Variants in ABCA8 observed in about 807,000 individuals in gnomAD.
The protein encoded by ABCA8 is ATP binding cassette subfamily A member 8.
Under a neutral mutation model 192.3 loss-of-function variants are expected in ABCA8, and 177 were observed. The ratio of observed to expected loss-of-function variants is 0.92; its 90% CI spans 0.81 to 1.04. The LOEUF is 1.04. Among genes scored for constraint, ABCA8 ranks in the 50% least tolerant of loss-of-function variants. The pLI is 0.00. For synonymous variants in ABCA8, 642 were observed against 690.2 expected, an observed-to-expected ratio of 0.93 and a Z score of 1.09; for missense variants, 1,915 against 1,904.8, an observed-to-expected ratio of 1.01 and a Z score of -0.10.
rs375399277 is a variant in ABCA8, at chr17:68,919,343, A to G, written c.1746T>C (p.Phe582=). ...GTGGCAGAATCCCTTTTATTTTAGC[A>G]AAGAGTCTGAGGTTTTCTCTTACAG... is the stretch of plus-strand genomic sequence containing the variant. The part of the protein sequence containing the change: ...FLTVRENLRL[F]AKIKGILPQE... The change falls in exon 14 of 40, where the codon TTT becomes TTC. Residue 582 remains phenylalanine (F), a synonymous_variant. Coordinates refer to ENST00000586539, the MANE Select transcript of ABCA8 (RefSeq NM_001288985.2). The G allele has an allele frequency of 1.2e-5, 20 of 1,613,118 alleles. No homozygotes were observed. In the East Asian group the frequency reaches 4.0e-4, roughly 32 times the overall value.
Position 68,888,009 on chromosome 17 carries a change from G to GAT in ABCA8, c.3145-505_3145-504dup, listed in dbSNP as rs769886417. Reference sequence around the variant, plus strand: ...ATATACACACACACACATATATATGGATATATATATGGAGTGTGTATATAT... The same window carrying GAT: ...ATATACACACACACACATATATATGGATATATATATATGGAGTGTGTATATAT... On this transcript the variant is annotated intron_variant, in intron 24 of 39. Transcript: ENST00000586539. Among the ~76,000 whole-genome samples the GAT allele has an allele frequency of 4.9e-5, 6 of 123,600 alleles. No individual in the cohort carries two copies. In the East Asian group the frequency reaches 1.1e-3, roughly 23 times the overall value. 81.1% of individuals were successfully genotyped at this position (123,600 alleles called of 152,430 possible). A position where few individuals can be genotyped will look rare whatever the true frequency, so the allele number is the denominator to read the frequency against.
chr17:68,942,687 A>T (rs2068266069), intron 2 of ABCA8, among the ~76,000 whole-genome samples: 3 of 152,068 alleles, frequency 2.0e-5, no homozygotes, highest in Non-Finnish European at 4.4e-5. Context: ...CTTCTTTGCC[A>T]TTCGGTGGGT....
At chr17:68,898,961 A>G (rs922274325) in intron 21 of ABCA8, among the ~76,000 whole-genome samples, 6 of 152,136 alleles carry the variant, frequency 3.9e-5, no homozygotes, top group Admixed American at 3.9e-4. Context: ...AGCTGAGAGA[A>G]GAAAGGAGAG....
At position 68,888,160 on chromosome 17, in the gene ABCA8, C is replaced by G. The variant is rs979781701; in HGVS notation, c.3145-654G>C. Among the ~76,000 whole-genome samples, 3 of 150,630 alleles carry G rather than the reference C, an allele frequency of 2.0e-5. 1 individual carries two copies. The highest frequency in any genetic ancestry group is 2.0e-4 in the Admixed American group (3 of 15,112). On this transcript the variant is annotated intron_variant, in intron 24 of 39. Coordinates refer to ENST00000586539, the MANE Select transcript of ABCA8 (RefSeq NM_001288985.2). ...AATAAAAGAAATTGTGTTGTTCTGC[C>G]ATAGTCCACATTCAAGTATTTATCA...
At chr17:68,921,590 A>G (rs1223567286) in intron 12 of ABCA8, 98 bp from the exon 13 acceptor site, 1 of 632,158 alleles carries the variant, frequency 1.6e-6, no homozygotes, top group Non-Finnish European at 2.6e-6. Flanking sequence ...ATGAATTGTT[A>G]TTAATTCTCT....
At chr17:68,894,015 G>T in intron 23 of ABCA8, 158 bp downstream of exon 23, 1 of 754,184 alleles carries the variant, frequency 1.3e-6, no homozygotes. Context: ...CTCTGAAAAC[G>T]TATTGATTTT....
At chr17:68,916,204 T>C (rs2067357177) in intron 17 of ABCA8, among the ~76,000 whole-genome samples, 2 of 152,078 alleles carry the variant, frequency 1.3e-5, no homozygotes, top group Admixed American at 1.3e-4. Context: ...TAGTATTTGA[T>C]AGCACATTCT....
rs755351312 is a variant in ABCA8, at chr17:68,877,555, C to T, written c.4163G>A (p.Gly1388Glu). ...QHLEVYAAVK[G>E]LRKGDAEVAI... ...AACCTCAGCATCCCCTTTCCTCAGC[C>T]CTTTCACGGCGGCGTACACCTCCAG... is the stretch of plus-strand genomic sequence containing the variant. The change falls in exon 33 of 40, where the codon GGG (glycine) becomes GAG (glutamate). Residue 1388 changes from glycine to glutamate, a missense_variant. Physicochemically the swap from Gly to Glu is moderately conservative, Grantham distance 98 (BLOSUM62 -2). Coordinates refer to ENST00000586539, the MANE Select transcript of ABCA8 (RefSeq NM_001288985.2). The T allele has an allele frequency of 1.2e-6, 2 of 1,613,936 alleles. No homozygotes were observed. Among genetic ancestry groups the T allele is most frequent in the Non-Finnish European group, 1.7e-6 (2 of 1,179,916 alleles).
chr17:68,894,427 C>T, intron 22 of ABCA8, 117 bp from the exon 23 acceptor site: 2 of 933,798 alleles, frequency 2.1e-6, no homozygotes, highest in South Asian at 1.8e-5. Flanking sequence ...GTTAAATAAT[C>T]ACAATAAAAA....
At position 68,893,713 on chromosome 17, in the gene ABCA8, C is replaced by CTCTTT. The variant is rs2066671356; in HGVS notation, c.3036+459_3036+460insAAAGA. 2.5e-5 allele frequency among the ~76,000 whole-genome samples: 3 copies of CTCTTT among 120,152 alleles called. No homozygotes were observed. The South Asian group carries it at 9.0e-4, about 36-fold the overall frequency. The allele number at this position is 120,152 out of a possible 152,430, so 78.8% of individuals were successfully genotyped here. A position where few individuals can be genotyped will look rare whatever the true frequency, so the allele number is the denominator to read the frequency against. On this transcript the variant is annotated intron_variant, in intron 23 of 39. Coordinates refer to ENST00000586539, the MANE Select transcript of ABCA8 (RefSeq NM_001288985.2). ...CTGTAAGATTTCATTTTTATTGCTT[C>CTCTTT]ATATTCTCTTTTTTTTTTTTTCCTT...
At chr17:68,894,801 CT>C (rs1394091784) in intron 22 of ABCA8, 78 bp downstream of exon 22, 1 of 1,441,036 alleles carries the variant, frequency 6.9e-7, no homozygotes, top group African/African-American at 1.4e-5. Context: ...ATTTTTATTT[CT>C]TAAGTTGGAA....
intron 37 of ABCA8, 151 bp downstream of exon 37, chr17:68,875,109 C>T (rs935360624): frequency 3.2e-5 from 35 of 1,090,676 alleles, no homozygotes; most frequent in East Asian, 1.5e-4. Context: ...TCAGCTCTTA[C>T]GTCTGCTTTC....
At chr17:68,899,867 A>C (rs1426944952) in intron 21 of ABCA8, among the ~76,000 whole-genome samples, 12 of 152,188 alleles carry the variant, frequency 7.9e-5, no homozygotes. Flanking sequence ...TCAGAAAAGA[A>C]ATCACAAGGG....
At chr17:68,912,458 C>T (rs942478824) in intron 17 of ABCA8, among the ~76,000 whole-genome samples, 1 of 151,644 alleles carries the variant, frequency 6.6e-6, no homozygotes, top group Admixed American at 6.6e-5. Context: ...TAAAAAAGAG[C>T]CTCCAAAGGA....
intron 11 of ABCA8, 40 bp from the exon 12 acceptor site, chr17:68,922,340 T>C: frequency 7.7e-7 from 1 of 1,296,894 alleles, no homozygotes; most frequent in Non-Finnish European, 1.0e-6. Flanking sequence ...ACAATTTTCT[T>C]CAGTTTGTAA....
At chr17:68,916,400 C>T (rs928338598) in intron 17 of ABCA8, among the ~76,000 whole-genome samples, 1 of 151,864 alleles carries the variant, frequency 6.6e-6, no homozygotes, top group African/African-American at 2.4e-5. Flanking sequence ...GTTTGTAACA[C>T]AAAGAAATGA....
At chr17:68,874,834 GAAATA>G (rs2066157602) in intron 37 of ABCA8, among the ~76,000 whole-genome samples, 1 of 152,144 alleles carries the variant, frequency 6.6e-6, no homozygotes, top group African/African-American at 2.4e-5. Flanking sequence ...TAATTGATTT[GAAATA>G]AAATAATTAG....
At chr17:68,935,540 C>CTATCTATATATA (rs747035477) in intron 5 of ABCA8, among the ~76,000 whole-genome samples, 12 of 87,288 alleles carry the variant, frequency 1.4e-4, no homozygotes, top group African/African-American at 3.8e-4. Context: ...AGTAGTATTC[C>CTATCTATATATA]TATATATATA....
intron 29 of ABCA8, among the ~76,000 whole-genome samples, chr17:68,883,052 T>C (rs187054988): frequency 2.0e-5 from 3 of 151,952 alleles, no homozygotes; most frequent in Admixed American, 2.0e-4. Context: ...TAATCAGGAG[T>C]TTCTAGCAAA....
Sources: gnomAD v4.1 joint callset for allele counts (sites outside exome capture counted in the v4.1 genomes callset) on GRCh38, gnomAD v4.1.1 for gene constraint, MANE v1.5 for transcripts, NCBI Gene and HGNC (gene_info 2026-07-23, HGNC 2026-07-21) for gene names.